KIF26B: variants seen among roughly 807,000 people sequenced by gnomAD.
KIF26B encodes kinesin-like protein KIF26B.
KIF26B carries 63 observed loss-of-function variants against 151.2 expected under a neutral mutation model. The ratio of observed to expected loss-of-function variants is 0.42; its 90% CI spans 0.34 to 0.51. The LOEUF (loss-of-function observed/expected upper bound fraction) is 0.51. KIF26B is among the 20% of genes least tolerant of loss of function. The pLI is 0.07. For missense variants in KIF26B, 2,813 were observed against 2,913.6 expected, an observed-to-expected ratio of 0.97 and a Z score of 0.79; for synonymous variants, 1,357 against 1,262.1, an observed-to-expected ratio of 1.08 and a Z score of -1.59.
chr1:245,456,578 T>C lies in KIF26B; in HGVS notation c.1166+36833T>C, dbSNP rs556908565. On this transcript the variant is annotated intron_variant, in intron 4 of 14. Transcript: ENST00000407071. Reference sequence around the variant, plus strand: ...TTGGTTGAATGTTTTCATGTGTCTATCAGCCATTTAAATTATCCTGCTAAA... The same window carrying C: ...TTGGTTGAATGTTTTCATGTGTCTACCAGCCATTTAAATTATCCTGCTAAA... Among the ~76,000 whole-genome samples, 10 of 152,384 alleles carry C rather than the reference T, an allele frequency of 6.6e-5. No individual in the cohort carries two copies. In the East Asian group the frequency reaches 1.7e-3, roughly 26 times the overall value.
intron 5 of KIF26B, among the ~76,000 whole-genome samples, chr1:245,555,468 C>G (rs1000494722): frequency 2.0e-4 from 31 of 152,198 alleles, no homozygotes; most frequent in African/African-American, 7.2e-4. Context: ...ACTGGACAGA[C>G]TCCTGTCCTC....
chr1:245,492,982 T>C (rs1427822883), intron 4 of KIF26B, among the ~76,000 whole-genome samples: 1 of 152,140 alleles, frequency 6.6e-6, no homozygotes, highest in African/African-American at 2.4e-5. Context: ...GGTTTCATCA[T>C]GTTGGCCAGG....
At chr1:245,309,566 G>A (rs375102486) in intron 2 of KIF26B, among the ~76,000 whole-genome samples, 5 of 151,802 alleles carry the variant, frequency 3.3e-5, no homozygotes, top group South Asian at 4.2e-4. Context: ...CTCTTGGGTC[G>A]CCAGCTGGCC....
At chr1:245,380,955 G>GAAAA (rs35477111) in intron 3 of KIF26B, among the ~76,000 whole-genome samples, 7 of 77,924 alleles carry the variant, frequency 9.0e-5, no homozygotes, top group Admixed American at 2.7e-4. Context: ...CCAAAAAGAT[G>GAAAA]AAAAAAAAAA....
At chr1:245,223,490 A>G (rs1241428260) in intron 2 of KIF26B, among the ~76,000 whole-genome samples, 2 of 152,178 alleles carry the variant, frequency 1.3e-5, no homozygotes, top group East Asian at 3.8e-4. Flanking sequence ...AATCCCCCTT[A>G]ACTCGTCTCC....
At chr1:245,600,077 T>C (rs1347899742) in intron 5 of KIF26B, among the ~76,000 whole-genome samples, 3 of 149,772 alleles carry the variant, frequency 2.0e-5, no homozygotes, top group South Asian at 4.3e-4. Flanking sequence ...TCACTCTTGT[T>C]GCCCAGGCTG....
chr1:245,355,588 C>T (rs1403102528), intron 2 of KIF26B, among the ~76,000 whole-genome samples: 2 of 142,358 alleles, frequency 1.4e-5, no homozygotes, highest in Middle Eastern at 3.5e-3. Context: ...ACAGTGAGAC[C>T]CTGTCTCAAA....
chr1:245,660,909 G>A (rs1444622758), intron 10 of KIF26B, among the ~76,000 whole-genome samples: 1 of 152,036 alleles, frequency 6.6e-6, no homozygotes, highest in East Asian at 1.9e-4. Context: ...TTGACCTGCT[G>A]GGCTCAAGCA....
At chr1:245,643,492 C>T (rs1391417603) in intron 9 of KIF26B, among the ~76,000 whole-genome samples, 1 of 152,116 alleles carries the variant, frequency 6.6e-6, no homozygotes, top group African/African-American at 2.4e-5. Flanking sequence ...AGTATACTTC[C>T]ATTTCTCCCG....
chr1:245,680,927 T>C (rs760295334), intron 10 of KIF26B, among the ~76,000 whole-genome samples: 7 of 152,178 alleles, frequency 4.6e-5, no homozygotes, highest in Admixed American at 6.5e-5. Flanking sequence ...GTGTTTTTCA[T>C]ATTTTTGTGC....
chr1:245,549,041 C>A (rs931266924), intron 5 of KIF26B, among the ~76,000 whole-genome samples: 2 of 152,118 alleles, frequency 1.3e-5, no homozygotes, highest in African/African-American at 4.8e-5. Flanking sequence ...AGCGCCCTGC[C>A]CCATTTTGCA....
Position 245,523,516 on chromosome 1 carries a change from A to G in KIF26B, c.1167-17251A>G, listed in dbSNP as rs533894090. ...TATAAACAACGGAAGTTTATTTTGT[A>G]CAGTTCTAGAGGCCGAGAAGTTAAA... On this transcript the variant is annotated intron_variant, in intron 4 of 14. Transcript: ENST00000407071. Among the ~76,000 whole-genome samples the G allele has an allele frequency of 2.6e-5, 4 of 152,366 alleles. 1 individual carries two copies. The East Asian group carries it at 7.7e-4, about 29-fold the overall frequency.
intron 9 of KIF26B, among the ~76,000 whole-genome samples, chr1:245,628,384 G>A (rs907236501): frequency 2.6e-5 from 4 of 152,228 alleles, no homozygotes; most frequent in South Asian, 2.1e-4. Flanking sequence ...GGGAGGCTGA[G>A]GCAGGAGAAT....
In KIF26B at chr1:245,563,815, C is replaced by G. The variant is rs1377412655; in HGVS notation, c.1350+22865C>G. ...CAATCCCAAGAGGACCCCAGACCCTCTGAAGGAAGCGGGCTCCTGCAGGAC... is the reference window on the plus strand; with the variant it reads ...CAATCCCAAGAGGACCCCAGACCCTGTGAAGGAAGCGGGCTCCTGCAGGAC... On this transcript the variant is annotated intron_variant, in intron 5 of 14. Coordinates refer to ENST00000407071, the MANE Select transcript of KIF26B (RefSeq NM_018012.4). The surrounding 1 kb of genome is among the most constrained non-coding windows in gnomAD (Gnocchi z 4.6). 6.6e-6 allele frequency among the ~76,000 whole-genome samples: 1 copy of G among 152,202 alleles called. No homozygotes were observed. The highest frequency in any genetic ancestry group is 1.9e-4 in the East Asian group (1 of 5,194).
At chr1:245,657,337 A>G (rs1021677630) in intron 10 of KIF26B, among the ~76,000 whole-genome samples, 1 of 152,176 alleles carries the variant, frequency 6.6e-6, no homozygotes, top group Admixed American at 6.5e-5. Flanking sequence ...TCGCGCGCTG[A>G]GAACTAATTG....
At chr1:245,382,458 T>C (rs1404526007) in intron 3 of KIF26B, among the ~76,000 whole-genome samples, 1 of 152,156 alleles carries the variant, frequency 6.6e-6, no homozygotes, top group Non-Finnish European at 1.5e-5. Context: ...GGCCTAAGAT[T>C]GCTGTGAAGA....
At chr1:245,223,509 C>T (rs931601796) in intron 2 of KIF26B, among the ~76,000 whole-genome samples, 2 of 152,186 alleles carry the variant, frequency 1.3e-5, no homozygotes, top group Non-Finnish European at 2.9e-5. Flanking sequence ...CCAGTCAAGC[C>T]TTTCAGCCTC....
At chr1:245,172,041 A>C (rs1668719293) in intron 2 of KIF26B, among the ~76,000 whole-genome samples, 1 of 150,594 alleles carries the variant, frequency 6.6e-6, no homozygotes, top group Non-Finnish European at 1.5e-5. Context: ...CATCTCATTA[A>C]CAGTCAGTTC....
chr1:245,253,856 C>T (rs1249734594), intron 2 of KIF26B, among the ~76,000 whole-genome samples: 2 of 119,804 alleles, frequency 1.7e-5, no homozygotes, highest in African/African-American at 3.3e-5. Context: ...GCTGCGCAGG[C>T]TGGAGTGCAG....
Sources: allele counts gnomAD v4.1 joint callset (sites outside exome capture counted in the v4.1 genomes callset), GRCh38; gene constraint gnomAD v4.1.1; non-coding constraint Gnocchi (gnomAD v3.1); transcripts MANE v1.5; gene names NCBI Gene and HGNC (gene_info 2026-07-23, HGNC 2026-07-21).